PTPRD: variants seen among roughly 807,000 people sequenced by gnomAD.
PTPRD encodes the protein protein tyrosine phosphatase receptor type D.
Under a neutral mutation model 214.5 loss-of-function variants are expected in PTPRD, and 34 were observed. The observed-to-expected ratio is 0.16, with a 90% confidence interval of 0.12 to 0.21. PTPRD has a LOEUF of 0.21. Among genes scored for constraint, PTPRD ranks in the 10% least tolerant of loss-of-function variants. PTPRD has a pLI of 1.00. For synonymous variants in PTPRD, 1,128 were observed against 845.7 expected (o/e 1.33, Z -5.79); for missense variants, 2,545 against 2,398.7 (o/e 1.06, Z -1.27).
chr9:9,329,283 A>T (rs12551172), intron 9 of PTPRD, among the ~76,000 whole-genome samples: 18,177 of 152,142 alleles, frequency 0.12, 1,628 homozygotes, highest in East Asian at 0.47. Flanking sequence ...CAAAAAAACC[A>T]AAGTCTTTAT....
intron 9 of PTPRD, among the ~76,000 whole-genome samples, chr9:9,373,254 C>A (rs749072859): frequency 5.9e-5 from 9 of 152,022 alleles, no homozygotes; most frequent in Non-Finnish European, 7.4e-5. Flanking sequence ...CTTAAACTCC[C>A]AGTGCCTCAG....
At chr9:8,942,926 TAAAC>T (rs1251488843) in intron 11 of PTPRD, among the ~76,000 whole-genome samples, 10 of 152,130 alleles carry the variant, frequency 6.6e-5, no homozygotes, top group Admixed American at 3.3e-4. Flanking sequence ...TTTAGATTGA[TAAAC>T]AAATTCAGTA....
chr9:9,077,647 T>C (rs1012948211), intron 10 of PTPRD, among the ~76,000 whole-genome samples: 26 of 152,218 alleles, frequency 1.7e-4, no homozygotes, highest in East Asian at 1.4e-3. Flanking sequence ...TGTATACTTA[T>C]AGCTTAATGC....
chr9:9,854,797 T>C (rs2061238737), intron 5 of PTPRD, among the ~76,000 whole-genome samples: 5 of 152,258 alleles, frequency 3.3e-5, no homozygotes, highest in Admixed American at 2.6e-4. Context: ...TTTTGCTAAT[T>C]TTGACAGTGT....
chr9:8,499,544 G>C (rs1329178722), intron 25 of PTPRD, 103 bp downstream of exon 25: 2 of 1,212,186 alleles, frequency 1.6e-6, no homozygotes, highest in Non-Finnish European at 2.3e-6. Flanking sequence ...ATTTTGTATA[G>C]GATTTTTTAA....
At chr9:10,431,232 A>G (rs1490787460) in intron 2 of PTPRD, among the ~76,000 whole-genome samples, 3 of 152,056 alleles carry the variant, frequency 2.0e-5, no homozygotes, top group Non-Finnish European at 4.4e-5. Flanking sequence ...GTTTAGCCAT[A>G]TGTAGAAAGC....
At chr9:8,637,203 AT>A (rs1338192768) in intron 12 of PTPRD, among the ~76,000 whole-genome samples, 1 of 152,216 alleles carries the variant, frequency 6.6e-6, no homozygotes, top group Non-Finnish European at 1.5e-5. Context: ...AGTGGGTAAA[AT>A]TTTAGCGCTT....
intron 14 of PTPRD, among the ~76,000 whole-genome samples, chr9:8,565,516 T>C (rs1207350344): frequency 1.3e-5 from 2 of 152,206 alleles, no homozygotes; most frequent in African/African-American, 4.8e-5. Flanking sequence ...CCTCCCATGT[T>C]TTCTCCCCTT....
chr9:9,587,133 A>T (rs2092118285), intron 7 of PTPRD, among the ~76,000 whole-genome samples: 2 of 151,968 alleles, frequency 1.3e-5, no homozygotes, highest in African/African-American at 2.4e-5. Flanking sequence ...TTTAGAGGAA[A>T]ATAAAGCTGG....
chr9:9,113,944 T>A (rs956637819), intron 10 of PTPRD, among the ~76,000 whole-genome samples: 3 of 152,156 alleles, frequency 2.0e-5, no homozygotes, highest in Admixed American at 1.3e-4. Context: ...CAAAAGAGTA[T>A]GAGAAGAATG....
At chr9:10,452,621 C>G (rs2098849362) in intron 2 of PTPRD, among the ~76,000 whole-genome samples, 1 of 151,638 alleles carries the variant, frequency 6.6e-6, no homozygotes, top group African/African-American at 2.4e-5. Context: ...ATTTGTATGT[C>G]TTCTGAAAAA....
At chr9:10,337,968 A>T (rs569737775) in intron 3 of PTPRD, among the ~76,000 whole-genome samples, 22 of 151,778 alleles carry the variant, frequency 1.4e-4, no homozygotes, top group East Asian at 3.9e-4. Flanking sequence ...CTAATATAAA[A>T]TTTTTTTTAA....
At chr9:10,342,703 A>C (rs1330773221) in intron 2 of PTPRD, among the ~76,000 whole-genome samples, 5 of 152,082 alleles carry the variant, frequency 3.3e-5, no homozygotes, top group African/African-American at 1.2e-4. Flanking sequence ...ATTCCAGCAT[A>C]TACCTGTATA....
chr9:10,288,255 C>T (rs1238496986), intron 3 of PTPRD, among the ~76,000 whole-genome samples: 1 of 151,606 alleles, frequency 6.6e-6, no homozygotes, highest in Non-Finnish European at 1.5e-5. Context: ...GCTTCCATAA[C>T]CACCAAGAAA....
At chr9:9,724,902 A>C (rs556133834) in intron 7 of PTPRD, among the ~76,000 whole-genome samples, 2 of 152,254 alleles carry the variant, frequency 1.3e-5, no homozygotes, top group South Asian at 4.1e-4. Context: ...ACTAAGCTAC[A>C]GTACAATGAA....
At chr9:9,643,992 C>CA (rs1166307311) in intron 7 of PTPRD, among the ~76,000 whole-genome samples, 1 of 152,084 alleles carries the variant, frequency 6.6e-6, no homozygotes, top group East Asian at 1.9e-4. Flanking sequence ...GTAATGCTGC[C>CA]AACATCATTA....
At chr9:8,849,086 C>T (rs1601800085) in intron 11 of PTPRD, among the ~76,000 whole-genome samples, 2 of 151,916 alleles carry the variant, frequency 1.3e-5, no homozygotes, top group African/African-American at 4.8e-5. Context: ...TTACCTATCT[C>T]AGGGTCCTGA....
chr9:10,550,030 C>T (rs2131036217), intron 2 of PTPRD, among the ~76,000 whole-genome samples: 1 of 152,170 alleles, frequency 6.6e-6, no homozygotes, highest in South Asian at 2.1e-4. Flanking sequence ...TAGGTTGGAT[C>T]CCATCAGTGA....
chr9:8,390,270 G>A (rs964320474), intron 36 of PTPRD, among the ~76,000 whole-genome samples: 5 of 152,030 alleles, frequency 3.3e-5, no homozygotes, highest in East Asian at 1.9e-4. Context: ...TCTGAACATC[G>A]CTTACAAAGC....
Sources: gnomAD v4.1 joint callset for allele counts (sites outside exome capture counted in the v4.1 genomes callset) on GRCh38, gnomAD v4.1.1 for gene constraint, MANE v1.5 for transcripts, NCBI Gene and HGNC (gene_info 2026-07-23, HGNC 2026-07-21) for gene names.